Variants in AHNAK observed in about 807,000 individuals in gnomAD.
AHNAK encodes AHNAK nucleoprotein.
A neutral mutation model predicts 37.8 loss-of-function variants in AHNAK; 23 were observed. The observed-to-expected ratio is 0.61, with a 90% CI of 0.44 to 0.86. The LOEUF is 0.86. Among genes scored for constraint, AHNAK ranks in the 40% least tolerant of loss-of-function variants. The pLI is 0.00. For missense variants in AHNAK, 7,411 were observed against 7,319.4 expected, an observed-to-expected ratio of 1.01 and a Z score of -0.46; for synonymous variants, 2,481 against 2,636.3, an observed-to-expected ratio of 0.94 and a Z score of 1.80.
intron 5 of AHNAK, among the ~76,000 whole-genome samples, chr11:62,443,324 G>GT (rs1439844886): frequency 1.5e-5 from 2 of 134,478 alleles, no homozygotes; most frequent in Non-Finnish European, 3.1e-5. Flanking sequence ...CCAGGCTGGA[G>GT]TGCAATGGTG....
chr11:62,488,482 G>A (rs1258223691), intron 5 of AHNAK, among the ~76,000 whole-genome samples: 1 of 151,204 alleles, frequency 6.6e-6, no homozygotes, highest in African/African-American at 2.4e-5. Context: ...GTTCACTGCA[G>A]CCTCCGCCCC....
chr11:62,532,580 T>C lies in AHNAK; in HGVS notation c.1837A>G (p.Ser613Gly). ...CCATGCGCTTCGACATCTGGGGCAC[T>C]GACATCCACTTTGGGGCCTCTGACA... ...VDVRGPKVDVSAPDVEAHGPE... is the reference protein window; with the variant it reads ...VDVRGPKVDVGAPDVEAHGPE... Residue 613 changes from serine (S) to glycine (G), a missense_variant, in exon 5 of 5, where the codon AGT becomes GGT. Coordinates refer to ENST00000378024, the MANE Select transcript of AHNAK (RefSeq NM_001620.3). 6.2e-7 allele frequency: 1 copy of C among 1,614,212 alleles called. No individual in the cohort carries two copies. Among genetic ancestry groups the C allele is most frequent in the South Asian group, 1.1e-5 (1 of 91,084 alleles).
At chr11:62,537,617 A>C (rs1940992154) in intron 1 of AHNAK, among the ~76,000 whole-genome samples, 1 of 151,956 alleles carries the variant, frequency 6.6e-6, no homozygotes, top group Non-Finnish European at 1.5e-5. Context: ...TGAGTCTCTG[A>C]GAGAACAGCT....
intron 5 of AHNAK, among the ~76,000 whole-genome samples, chr11:62,477,318 A>G (rs1939168830): frequency 6.6e-6 from 1 of 152,226 alleles, no homozygotes; most frequent in South Asian, 2.1e-4. Flanking sequence ...GATTTCAAAT[A>G]CATGGTCTGA....
At position 62,521,920 on chromosome 11, in the gene AHNAK, T is replaced by G. The variant is rs201733548; in HGVS notation, c.12497A>C (p.Lys4166Thr). 1 of 1,613,412 alleles carries G rather than the reference T, an allele frequency of 6.2e-7. No homozygotes were observed. Among genetic ancestry groups the G allele is most frequent in the Non-Finnish European group, 8.5e-7 (1 of 1,179,868 alleles). ...GDLKGPEVDIKGPKVDIDVPD... is the reference protein window; with the variant it reads ...GDLKGPEVDITGPKVDIDVPD... ...GACATCAATGTCCACTTTGGGGCCCTTGATGTCAACTTCAGGGCCCTTGAG... is the reference window on the plus strand; with the variant it reads ...GACATCAATGTCCACTTTGGGGCCCGTGATGTCAACTTCAGGGCCCTTGAG... Residue 4166 changes from lysine to threonine, a missense_variant, in exon 5 of 5, where the codon AAG becomes ACG. By Grantham distance (78) the Lys-to-Thr change is moderately conservative (BLOSUM62 -1). Coordinates refer to ENST00000378024, the MANE Select transcript of AHNAK (RefSeq NM_001620.3).
chr11:62,508,263 A>G (rs1465627734), intron 4 of AHNAK, among the ~76,000 whole-genome samples: 1 of 152,190 alleles, frequency 6.6e-6, no homozygotes, highest in Non-Finnish European at 1.5e-5. Context: ...GGGAAGAAAA[A>G]AAAAATTCTT....
chr11:62,476,954 G>A (rs561531220), intron 5 of AHNAK, among the ~76,000 whole-genome samples: 17 of 152,156 alleles, frequency 1.1e-4, no homozygotes, highest in African/African-American at 2.7e-4. Context: ...GCCTGCAGCC[G>A]GCATTGGTTG....
intron 5 of AHNAK, among the ~76,000 whole-genome samples, chr11:62,489,217 G>T (rs1427900415): frequency 5.3e-5 from 8 of 150,946 alleles, no homozygotes; most frequent in Admixed American, 5.3e-4. Flanking sequence ...TTCCAGCCTG[G>T]GTCACAGAGT....
Position 62,505,789 on chromosome 11 carries a change from C to A in AHNAK, c.343-13958G>T, listed in dbSNP as rs549279851. On this transcript the variant is annotated intron_variant, in intron 4 of 5. Coordinates refer to the AHNAK transcript ENST00000257247. The stretch of plus-strand genomic sequence containing the variant: ...ACCCGCCCCCAGCAGGACCCCTGGC[C>A]ACACTGTCAGCCTCTGCCCATCCCG... Among the ~76,000 whole-genome samples, 7 of 151,232 alleles carry A rather than the reference C, an allele frequency of 4.6e-5. No homozygotes were observed. The South Asian group carries it at 1.5e-3, about 32-fold the overall frequency.
chr11:62,443,763 A>C (rs1255438618), intron 5 of AHNAK, among the ~76,000 whole-genome samples: 1 of 152,176 alleles, frequency 6.6e-6, no homozygotes, highest in Non-Finnish European at 1.5e-5. Flanking sequence ...TGTTAGGTTC[A>C]TTCTGCTTCT....
At chr11:62,544,069 C>A (rs1941222673) in intron 1 of AHNAK, among the ~76,000 whole-genome samples, 1 of 152,188 alleles carries the variant, frequency 6.6e-6, no homozygotes, top group Non-Finnish European at 1.5e-5. Context: ...TTGCCCCAAC[C>A]CCTCAAACCA....
At chr11:62,445,346 G>A (rs531453321) in intron 5 of AHNAK, among the ~76,000 whole-genome samples, 95 of 152,160 alleles carry the variant, frequency 6.2e-4, no homozygotes, top group African/African-American at 2.0e-3. Context: ...AGCCTCCTAC[G>A]TAAGTACACA....
At chr11:62,536,234 CT>C in intron 2 of AHNAK, 136 bp from the exon 3 acceptor site, 1 of 915,590 alleles carries the variant, frequency 1.1e-6, no homozygotes, top group Non-Finnish European at 1.6e-6. Flanking sequence ...CTGCAGCTGG[CT>C]CACCTGCCAG....
Position 62,524,818 on chromosome 11 carries a change from G to C in AHNAK, c.9599C>G (p.Ala3200Gly). 1 of 1,613,962 alleles carries C rather than the reference G, an allele frequency of 6.2e-7. No individual in the cohort carries two copies. The highest frequency in any genetic ancestry group is 1.1e-5 in the South Asian group (1 of 91,056). Residue 3200 changes from alanine to glycine, a missense_variant, in exon 5 of 5, where the codon GCG (alanine) becomes GGG (glycine). By Grantham distance (60) the Ala-to-Gly change is moderately conservative. Coordinates refer to ENST00000378024, the MANE Select transcript of AHNAK (RefSeq NM_001620.3). ...VPDVNIEGPDAKLKGPKFKMP... is the reference protein window; with the variant it reads ...VPDVNIEGPDGKLKGPKFKMP... ...CTTGAATTTAGGGCCCTTCAGTTTC[G>C]CATCTGGACCTTCAATATTCACATC...
At position 62,517,053 on chromosome 11, in the gene AHNAK, C is replaced by G. The variant is rs1453291376; in HGVS notation, c.17364G>C (p.Glu5788Asp). The G allele has an allele frequency of 6.2e-7, 1 of 1,614,114 alleles. No individual in the cohort carries two copies. Among genetic ancestry groups the G allele is most frequent in the Non-Finnish European group, 8.5e-7 (1 of 1,180,052 alleles). ...CCGTCGGGGTGGAAGGTCCAGAGAACTCTCTTTCATCACTGAATGAATTTG... is the reference window on the plus strand; with the variant it reads ...CCGTCGGGGTGGAAGGTCCAGAGAAGTCTCTTTCATCACTGAATGAATTTG... The part of the protein sequence containing the change: ...HRSNSFSDER[E>D]FSGPSTPTGT... The change falls in exon 5 of 5, where the codon GAG becomes GAC. Residue 5788 changes from glutamate (E) to aspartate (D), a missense_variant. Coordinates refer to ENST00000378024, the MANE Select transcript of AHNAK (RefSeq NM_001620.3).
chr11:62,495,786 T>C (rs973463992), intron 4 of AHNAK, among the ~76,000 whole-genome samples: 1 of 147,440 alleles, frequency 6.8e-6, no homozygotes, highest in East Asian at 2.0e-4. Flanking sequence ...CAGTGGCTCA[T>C]GCCTGTAATC....
chr11:62,513,541 TA>T (rs113879195), downstream of AHNAK, among the ~76,000 whole-genome samples: 12,381 of 126,774 alleles, frequency 0.098, 1,035 homozygotes, highest in African/African-American at 0.24. Flanking sequence ...GTCTCAAAAA[TA>T]AAAAAAAAAA....
At chr11:62,450,247 T>C (rs1938507335) in intron 5 of AHNAK, among the ~76,000 whole-genome samples, 1 of 152,068 alleles carries the variant, frequency 6.6e-6, no homozygotes, top group South Asian at 2.1e-4. Context: ...AACCTCTGCC[T>C]CCTGGGTTCA....
chr11:62,438,655 T>G (rs968309926), intron 5 of AHNAK, among the ~76,000 whole-genome samples: 4 of 152,136 alleles, frequency 2.6e-5, no homozygotes, highest in African/African-American at 9.7e-5. Flanking sequence ...AAGAGAGGAT[T>G]TAATTTTGAT....
Sources: gnomAD v4.1 joint callset for allele counts (sites outside exome capture counted in the v4.1 genomes callset) on GRCh38, gnomAD v4.1.1 for gene constraint, MANE v1.5 for transcripts, NCBI Gene and HGNC (gene_info 2026-07-23, HGNC 2026-07-21) for gene names.